The following SLFN12 variants were observed in gnomAD, a reference collection of about 807,000 sequenced individuals.
SLFN12 encodes the protein schlafen family member 12, also known as ribonuclease SLFN12.
SLFN12 carries 25 observed loss-of-function variants against 29.1 expected under a neutral mutation model. The observed-to-expected ratio is 0.86, with a 90% confidence interval of 0.63 to 1.20. The LOEUF is 1.20. Among genes scored for constraint, SLFN12 ranks in the 50% most tolerant of loss-of-function variants. The pLI is 0.00. For synonymous variants in SLFN12, 257 were observed against 238.7 expected (o/e 1.08, Z -0.71); for missense variants, 660 against 666.2 (o/e 0.99, Z 0.10).
chr17:35,420,000 C>T (rs1208089288), intron 3 of SLFN12, among the ~76,000 whole-genome samples: 1 of 152,166 alleles, frequency 6.6e-6, no homozygotes, highest in Non-Finnish European at 1.5e-5. Context: ...TGCTCAGTGA[C>T]ATGATATATA....
chr17:35,416,542 G>A (rs1911324995), intron 3 of SLFN12, among the ~76,000 whole-genome samples: 1 of 151,914 alleles, frequency 6.6e-6, no homozygotes, highest in South Asian at 2.1e-4. Flanking sequence ...CCTAGAAAAA[G>A]CATACATTTT....
intron 1 of SLFN12, among the ~76,000 whole-genome samples, chr17:35,425,577 G>A (rs1185228482): frequency 6.6e-6 from 1 of 151,892 alleles, no homozygotes; most frequent in Non-Finnish European, 1.5e-5. Flanking sequence ...ATTCATCCAT[G>A]TTATCAAAAA....
chr17:35,421,672 T>C (rs1911660850), intron 2 of SLFN12, among the ~76,000 whole-genome samples: 1 of 151,630 alleles, frequency 6.6e-6, no homozygotes, highest in Non-Finnish European at 1.5e-5. Flanking sequence ...CCTGAGTAGC[T>C]GGGACTACAG....
rs747902618 is a variant in SLFN12 at position 35,422,817 on chromosome 17, G to C, written c.212C>G (p.Thr71Arg). The C allele has an allele frequency of 6.2e-7, 1 of 1,613,554 alleles. No individual in the cohort carries two copies. The highest frequency in any genetic ancestry group is 8.5e-7 in the Non-Finnish European group (1 of 1,179,794). ...AEIENEDYSY[T>R]KDGIGLDLEN... ...CAAATCTAGTCCTATTCCATCTTTT[G>C]TATAACTATAGTCTTCATTCTCAAT... is the stretch of plus-strand genomic sequence containing the variant. The change falls in exon 2 of 4, where the codon ACA becomes AGA. Residue 71 changes from threonine (T) to arginine (R), a missense_variant. By Grantham distance (71) the Thr-to-Arg change is moderately conservative. Coordinates refer to ENST00000304905, the MANE Select transcript of SLFN12 (RefSeq NM_018042.5).
At chr17:35,417,322 T>C (rs1021033465) in intron 3 of SLFN12, among the ~76,000 whole-genome samples, 1 of 152,134 alleles carries the variant, frequency 6.6e-6, no homozygotes, top group Non-Finnish European at 1.5e-5. Context: ...GTAGAAAATG[T>C]GTTTGATAAA....
At chr17:35,415,980 A>G (rs754066525) in intron 3 of SLFN12, among the ~76,000 whole-genome samples, 1 of 152,186 alleles carries the variant, frequency 6.6e-6, no homozygotes, top group Non-Finnish European at 1.5e-5. Context: ...TAGAACTACC[A>G]TTTGCTCCAG....
chr17:35,418,332 G>A (rs1173345135), intron 3 of SLFN12, among the ~76,000 whole-genome samples: 5 of 151,984 alleles, frequency 3.3e-5, no homozygotes, highest in East Asian at 1.9e-4. Context: ...GTCCACTTAC[G>A]CCAAGATCTT....
chr17:35,421,010 C>A (rs1196655193), intron 2 of SLFN12, among the ~76,000 whole-genome samples: 1 of 151,838 alleles, frequency 6.6e-6, no homozygotes, highest in African/African-American at 2.4e-5. Flanking sequence ...GAGTTCGAGA[C>A]CAGCCTGGCC....
At position 35,411,722 on chromosome 17, in the gene SLFN12, ACTGTC is replaced by A. The variant is rs776705953; in HGVS notation, c.1348_1352del (p.Asp450SerfsTer13). On this transcript the variant is annotated frameshift_variant, in exon 4 of 4. Coordinates refer to ENST00000304905, the MANE Select transcript of SLFN12 (RefSeq NM_018042.5). LOFTEE classifies it low-confidence loss of function (END_TRUNC). ...TGTGGAAGGTGTATAGGACTGGAGG[ACTGTC>A]CTGGGAAATCAGAAGAGCATCACAG... 1.9e-4 allele frequency: 300 copies of A among 1,613,878 alleles called. No individual in the cohort carries two copies. The highest frequency in any genetic ancestry group is 2.5e-4 in the Non-Finnish European group (294 of 1,179,998).
At chr17:35,412,054 T>C in intron 3 of SLFN12, 127 bp from the exon 4 acceptor site, 1 of 667,378 alleles carries the variant, frequency 1.5e-6, no homozygotes. Flanking sequence ...TAAAATATAT[T>C]CAAACAATAA....
rs762549453 is a variant in SLFN12 at position 35,420,275 on chromosome 17, T to G, written c.1146A>C (p.Pro382=). Residue 382 remains proline, a splice_region_variant and synonymous_variant, in exon 3 of 4, where the codon CCA becomes CCC. Coordinates refer to ENST00000304905, the MANE Select transcript of SLFN12 (RefSeq NM_018042.5). ...LEWQRQRHHC[P]GLSGRITYTP... Reference sequence around the variant, plus strand: ...CCGAAGAAGCCAGAATGAAATTACCTGGACAGTGATGTCTCTGCCGTTGCC... The same window carrying G: ...CCGAAGAAGCCAGAATGAAATTACCGGGACAGTGATGTCTCTGCCGTTGCC... 1.2e-6 allele frequency: 2 copies of G among 1,607,074 alleles called. No individual in the cohort carries two copies. The highest frequency in any genetic ancestry group is 2.2e-5 in the South Asian group (2 of 90,838).
intron 3 of SLFN12, among the ~76,000 whole-genome samples, chr17:35,415,411 C>G (rs1911258095): frequency 6.6e-6 from 1 of 152,046 alleles, no homozygotes; most frequent in Admixed American, 6.5e-5. Flanking sequence ...CATAAAAATT[C>G]TACAAGATAA....
chr17:35,424,646 A>G (rs1451120330), intron 1 of SLFN12, among the ~76,000 whole-genome samples: 1 of 152,182 alleles, frequency 6.6e-6, no homozygotes, highest in Admixed American at 6.5e-5. Context: ...AGCTGGACCA[A>G]TATCATGCAG....
At chr17:35,413,590 A>C (rs1421107942) in intron 3 of SLFN12, among the ~76,000 whole-genome samples, 1 of 151,948 alleles carries the variant, frequency 6.6e-6, no homozygotes, top group Non-Finnish European at 1.5e-5. Flanking sequence ...TCTACTAAAA[A>C]TACAGAAAAT....
Position 35,422,051 on chromosome 17 carries a change from A to G in SLFN12, c.978T>C (p.Asp326=), listed in dbSNP as rs755870788. ...TCCTGGTCAACTGCATCACACGGTTATCTTTCACATGCCAGGAATCAGGCT... is the reference window on the plus strand; with the variant it reads ...TCCTGGTCAACTGCATCACACGGTTGTCTTTCACATGCCAGGAATCAGGCT... ...AKEPDSWHVK[D]NRVMQLTRKE... The change falls in exon 2 of 4, where the codon GAT becomes GAC. Residue 326 remains aspartate, a synonymous_variant. Transcript: ENST00000304905. The G allele has an allele frequency of 6.2e-6, 10 of 1,614,100 alleles. No homozygotes were observed. Among genetic ancestry groups the G allele is most frequent in the Non-Finnish European group, 8.5e-6 (10 of 1,179,994 alleles).
At chr17:35,421,108 C>T (rs1301435708) in intron 2 of SLFN12, among the ~76,000 whole-genome samples, 2 of 151,672 alleles carry the variant, frequency 1.3e-5, no homozygotes, top group Non-Finnish European at 2.9e-5. Flanking sequence ...ACTCGGAAGG[C>T]TGAGGCAGGA....
intron 3 of SLFN12, among the ~76,000 whole-genome samples, chr17:35,419,963 T>C (rs1031938109): frequency 1.3e-5 from 2 of 152,312 alleles, no homozygotes; most frequent in South Asian, 2.1e-4. Context: ...AACATAGCTA[T>C]GCCTGAAGGT....
intron 3 of SLFN12, among the ~76,000 whole-genome samples, chr17:35,417,615 T>A (rs1911388205): frequency 6.6e-6 from 1 of 152,090 alleles, no homozygotes; most frequent in Non-Finnish European, 1.5e-5. Context: ...AAGAATTGTC[T>A]AAAAGTTTTC....
intron 3 of SLFN12, among the ~76,000 whole-genome samples, chr17:35,419,410 C>T (rs763087493): frequency 6.6e-6 from 1 of 151,958 alleles, no homozygotes; most frequent in African/African-American, 2.4e-5. Context: ...CTCTAAATTA[C>T]TCCTATAAAT....
Sources: allele counts gnomAD v4.1 joint callset (sites outside exome capture counted in the v4.1 genomes callset), GRCh38; gene constraint gnomAD v4.1.1; transcripts MANE v1.5; gene names NCBI Gene and HGNC (gene_info 2026-07-23, HGNC 2026-07-21).